IQCM: variants seen among roughly 807,000 people sequenced by gnomAD.
IQCM encodes the protein IQ motif containing M, also known as IQ domain-containing protein M.
IQCM carries 45 observed loss-of-function variants against 57.6 expected under a neutral mutation model. The observed-to-expected ratio is 0.78, with a 90% CI of 0.62 to 1.00. The LOEUF is 1.00. Among genes scored for constraint, IQCM ranks in the 50% least tolerant of loss-of-function variants. The probability of loss-of-function intolerance (pLI) is 0.00; values close to 1 mark genes in which losing one functional copy is unlikely to be tolerated. For missense variants in IQCM, 468 were observed against 511.6 expected (o/e 0.91, Z 0.82); for synonymous variants, 148 against 158.9 (o/e 0.93, Z 0.51).
chr4:149,368,875 C>CGTAT (rs1560779300), intron 13 of IQCM, among the ~76,000 whole-genome samples: 2 of 51,866 alleles, frequency 3.9e-5, no homozygotes, highest in Non-Finnish European at 8.0e-5. Flanking sequence ...TACATATATA[C>CGTAT]ACGTGTATAT....
rs74328207 is a variant in IQCM at position 149,475,767 on chromosome 4, C to T, written c.1229-42210G>A. 7.8e-3 allele frequency among the ~76,000 whole-genome samples: 1,187 copies of T among 152,074 alleles called. 21 individuals are homozygous for T. The highest frequency in any genetic ancestry group is 0.028 in the African/African-American group (1,143 of 41,466). ...AAAATATATATCAAAGGGAAGGGAA[C>T]GATCAACTTTGGGATATCATGCTGA... On this transcript the variant is annotated intron_variant, in intron 12 of 13. Coordinates refer to ENST00000636793, the MANE Select transcript of IQCM (RefSeq NM_001363507.2).
rs1470180594 is a variant in IQCM, at chr4:149,582,967, A to G, written c.749+4963T>C. Reference sequence around the variant, plus strand: ...AGAATACAGTAATTTTCAAGATAAAAGGGAAACATTCAAGAACCTACATAA... The same window carrying G: ...AGAATACAGTAATTTTCAAGATAAAGGGGAAACATTCAAGAACCTACATAA... On this transcript the variant is annotated intron_variant, in intron 9 of 13. Transcript: ENST00000636793. 7.3e-5 allele frequency among the ~76,000 whole-genome samples: 11 copies of G among 151,668 alleles called. No individual in the cohort carries two copies. In the East Asian group the frequency reaches 1.9e-3, roughly 27 times the overall value.
chr4:149,731,019 G>T (rs1368999029), intron 5 of IQCM, among the ~76,000 whole-genome samples: 1 of 151,972 alleles, frequency 6.6e-6, no homozygotes, highest in Non-Finnish European at 1.5e-5. Context: ...CTTCCTAATG[G>T]CTATCTCCAC....
chr4:149,439,315 CT>C lies in IQCM; in HGVS notation c.1229-5759del, dbSNP rs143692236. ...TAACTTTATTTTCATTCTGTATTTACTTATTTTTTGCTTGTTTGCTTAATAA... is the reference window on the plus strand; with the variant it reads ...TAACTTTATTTTCATTCTGTATTTACTATTTTTTGCTTGTTTGCTTAATAA... On this transcript the variant is annotated intron_variant, in intron 12 of 13. Transcript: ENST00000636793. Among the ~76,000 whole-genome samples the C allele has an allele frequency of 9.5e-3, 1,443 of 152,110 alleles. 14 individuals carry two copies. Among genetic ancestry groups the C allele is most frequent in the Non-Finnish European group, 0.015 (1,022 of 67,940 alleles).
intron 12 of IQCM, among the ~76,000 whole-genome samples, chr4:149,472,475 CACAA>C (rs1418834779): frequency 1.3e-5 from 2 of 152,034 alleles, no homozygotes; most frequent in Non-Finnish European, 2.9e-5. Context: ...TAAAAGAGGA[CACAA>C]ACAAATGGAA....
At chr4:149,499,231 A>G (rs1436355633) in intron 12 of IQCM, among the ~76,000 whole-genome samples, 1 of 152,170 alleles carries the variant, frequency 6.6e-6, no homozygotes, top group Admixed American at 6.6e-5. Flanking sequence ...GAGAACAGGA[A>G]ATGTCAGGTG....
chr4:149,726,856 G>A (rs1046761395), intron 5 of IQCM, among the ~76,000 whole-genome samples: 4 of 151,232 alleles, frequency 2.6e-5, no homozygotes, highest in Admixed American at 1.3e-4. Context: ...GTGCAATCTC[G>A]GCTCACTGCA....
intron 5 of IQCM, among the ~76,000 whole-genome samples, chr4:149,700,224 A>G (rs1053673612): frequency 6.6e-6 from 1 of 152,056 alleles, no homozygotes; most frequent in African/African-American, 2.4e-5. Context: ...CAGGTCTGAC[A>G]TACTCCTTTC....
rs1227599780 is a variant in IQCM, at chr4:149,368,781, C to CACGT, written c.1391-16716_1391-16715insACGT. 8.0e-4 allele frequency among the ~76,000 whole-genome samples: 81 copies of CACGT among 101,828 alleles called. 5 individuals are homozygous for CACGT. The highest frequency in any genetic ancestry group is 1.4e-3 in the Non-Finnish European group (65 of 45,878). The allele number at this position is 101,828 out of a possible 152,430, so 66.8% of individuals were successfully genotyped here. Reference sequence around the variant, plus strand: ...GTATATATATATATACATATATATACATGTATATATATACATATATATACA... The same window carrying CACGT: ...GTATATATATATATACATATATATACACGTATGTATATATATACATATATATACA... On this transcript the variant is annotated intron_variant, in intron 13 of 13. Transcript: ENST00000636793.
At chr4:149,470,288 G>T (rs535821620) in intron 12 of IQCM, among the ~76,000 whole-genome samples, 8 of 148,094 alleles carry the variant, frequency 5.4e-5, no homozygotes, top group Admixed American at 4.7e-4. Flanking sequence ...GATCTACCAA[G>T]CAAATGGAAA....
At chr4:149,575,409 C>T (rs1029265045) in intron 9 of IQCM, among the ~76,000 whole-genome samples, 2 of 151,798 alleles carry the variant, frequency 1.3e-5, no homozygotes, top group Non-Finnish European at 2.9e-5. Flanking sequence ...CTAGTAAAAC[C>T]TGTTCACTTC....
At chr4:149,766,174 T>C (rs1770033709) in intron 2 of IQCM, among the ~76,000 whole-genome samples, 1 of 152,086 alleles carries the variant, frequency 6.6e-6, no homozygotes, top group African/African-American at 2.4e-5. Context: ...GTAACACTTA[T>C]TGCTGTCAAA....
intron 12 of IQCM, among the ~76,000 whole-genome samples, chr4:149,523,901 C>T (rs1187324700): frequency 6.6e-6 from 1 of 152,090 alleles, no homozygotes; most frequent in Non-Finnish European, 1.5e-5. Flanking sequence ...TAAACGCATT[C>T]TAGACTGAAG....
intron 12 of IQCM, among the ~76,000 whole-genome samples, chr4:149,544,944 A>C (rs1748233999): frequency 1.3e-5 from 2 of 152,212 alleles, no homozygotes; most frequent in Admixed American, 1.3e-4. Context: ...CAAAACTTCT[A>C]GAAGAAAACA....
chr4:149,392,972 C>A (rs777131337), intron 13 of IQCM, among the ~76,000 whole-genome samples: 34 of 152,032 alleles, frequency 2.2e-4, no homozygotes, highest in South Asian at 1.5e-3. Context: ...GAGTTAGACA[C>A]CAGCCTGGGC....
intron 12 of IQCM, among the ~76,000 whole-genome samples, chr4:149,547,014 G>T (rs1748510532): frequency 6.6e-6 from 1 of 152,088 alleles, no homozygotes; most frequent in Non-Finnish European, 1.5e-5. Flanking sequence ...GTAAGGAAGG[G>T]ATCCAGTTTC....
intron 2 of IQCM, among the ~76,000 whole-genome samples, chr4:149,809,194 T>A (rs1354488153): frequency 1.4e-5 from 2 of 147,854 alleles, no homozygotes; most frequent in African/African-American, 5.0e-5. Context: ...ACCTGGGAGG[T>A]AGAGGGTGCA....
chr4:149,538,023 T>A (rs2149869910), intron 12 of IQCM, among the ~76,000 whole-genome samples: 1 of 151,508 alleles, frequency 6.6e-6, no homozygotes, highest in Middle Eastern at 3.5e-3. Context: ...TGTATTTATA[T>A]ATATATGAAT....
intron 5 of IQCM, among the ~76,000 whole-genome samples, chr4:149,703,465 C>CA (rs754370017): frequency 4.9e-4 from 74 of 151,456 alleles, no homozygotes; most frequent in Non-Finnish European, 8.1e-4. Flanking sequence ...TCATAACTTT[C>CA]AAAAAAAATG....
Sources: gnomAD v4.1 joint callset for allele counts (sites outside exome capture counted in the v4.1 genomes callset) on GRCh38, gnomAD v4.1.1 for gene constraint, MANE v1.5 for transcripts, NCBI Gene and HGNC (gene_info 2026-07-23, HGNC 2026-07-21) for gene names.